KLRG1: variants seen among roughly 807,000 people sequenced by gnomAD.
KLRG1 encodes killer cell lectin like receptor G1.
Under a neutral mutation model 21.8 loss-of-function variants are expected in KLRG1, and 16 were observed. The observed-to-expected ratio is 0.73, with a 90% confidence interval of 0.50 to 1.11. The LOEUF is 1.11. KLRG1 is among the 50% of genes most tolerant of loss of function. The pLI, the probability that KLRG1 is intolerant of heterozygous loss-of-function variation, is 0.00. For missense variants in KLRG1, 173 were observed against 218.3 expected (o/e 0.79, Z 1.31); for synonymous variants, 69 against 75.9 (o/e 0.91, Z 0.47).
the KLRG1 span, chr12:9,070,429 G>T: frequency 8.8e-7 from 1 of 1,133,326 alleles, no homozygotes; most frequent in Non-Finnish European, 1.3e-6. Flanking sequence ...ATTGTCTTAT[G>T]CTGGGGATAC....
At chr12:9,164,112 CT>C in the KLRG1 span, 1 of 1,604,776 alleles carries the variant, frequency 6.2e-7, no homozygotes, top group Non-Finnish European at 8.5e-7. Flanking sequence ...TTGATAGGCC[CT>C]TTTGGGTACT....
chr12:9,045,590 G>T, the KLRG1 span, among the ~76,000 whole-genome samples: 3 of 152,168 alleles, frequency 2.0e-5, no homozygotes, highest in African/African-American at 7.2e-5. Flanking sequence ...TTAAAATAAT[G>T]ATTATTATGC....
downstream of KLRG1, among the ~76,000 whole-genome samples, chr12:9,013,962 C>G (rs1565556746): frequency 2.0e-5 from 3 of 152,168 alleles, no homozygotes; most frequent in South Asian, 6.2e-4. Flanking sequence ...CTGAAAAATT[C>G]AGTTGACTTA....
chr12:9,196,438 G>A, the KLRG1 span: 4 of 1,607,692 alleles, frequency 2.5e-6, no homozygotes, highest in South Asian at 4.4e-5. Context: ...TGACTTCCAG[G>A]TCTGAAAAAT....
chr12:9,008,945 C>A, intron 3 of KLRG1, 30 bp from the exon 4 acceptor site: 1 of 1,414,064 alleles, frequency 7.1e-7, no homozygotes, highest in South Asian at 1.2e-5. Flanking sequence ...GACACTAGGT[C>A]CCTTTTTTGG....
the KLRG1 span, among the ~76,000 whole-genome samples, chr12:9,174,562 C>A: frequency 1.3e-5 from 2 of 152,200 alleles, no homozygotes; most frequent in African/African-American, 4.8e-5. Context: ...CTAGAAAACC[C>A]CATTATCTCA....
the KLRG1 span, among the ~76,000 whole-genome samples, chr12:9,190,389 T>A: frequency 6.6e-6 from 1 of 152,246 alleles, no homozygotes; most frequent in East Asian, 1.9e-4. Context: ...AGCAAAATAA[T>A]GTAGGAACAG....
chr12:9,009,343 G>A, intron 4 of KLRG1, 83 bp from the exon 5 acceptor site: 1 of 1,538,816 alleles, frequency 6.5e-7, no homozygotes, highest in Non-Finnish European at 8.8e-7. Context: ...GACAGAATTT[G>A]CTTCATTTTT....
chr12:9,182,715 G>C, the KLRG1 span, among the ~76,000 whole-genome samples: 1 of 152,162 alleles, frequency 6.6e-6, no homozygotes, highest in African/African-American at 2.4e-5. Context: ...GCAGGGTGAA[G>C]GGCCACCAGG....
At chr12:9,112,594 T>C in the KLRG1 span, 1 of 1,590,940 alleles carries the variant, frequency 6.3e-7, no homozygotes, top group Non-Finnish European at 8.6e-7. Flanking sequence ...TCCTCCCCTA[T>C]TTGCTGTTGC....
At chr12:9,074,432 C>A in the KLRG1 span, 1 of 904,932 alleles carries the variant, frequency 1.1e-6, no homozygotes. Context: ...TCCTTGGATA[C>A]TGAAAACTTT....
the KLRG1 span, chr12:9,090,422 C>T: frequency 3.8e-5 from 62 of 1,614,004 alleles, no homozygotes; most frequent in East Asian, 1.2e-3. Flanking sequence ...CAGTGAGGCG[C>T]TTGTTCCTTC....
At chr12:9,202,950 A>G in the KLRG1 span, among the ~76,000 whole-genome samples, 4 of 152,208 alleles carry the variant, frequency 2.6e-5, no homozygotes, top group African/African-American at 7.2e-5. Flanking sequence ...GAGTATGTAT[A>G]TTCTGAAGCA....
At chr12:9,093,638 A>C in the KLRG1 span, 9 of 907,274 alleles carry the variant, frequency 9.9e-6, no homozygotes, top group Non-Finnish European at 1.4e-5. Context: ...TTATGAGAGA[A>C]TGTAATAGTT....
the KLRG1 span, chr12:9,150,823 G>A: frequency 3.3e-6 from 3 of 915,084 alleles, no homozygotes; most frequent in Non-Finnish European, 5.3e-6. Flanking sequence ...TATTCTTATT[G>A]TTCTTTGACT....
At chr12:9,067,700 C>T in the KLRG1 span, 15 of 819,834 alleles carry the variant, frequency 1.8e-5, no homozygotes, top group East Asian at 2.6e-5. Context: ...GAACAGGAAA[C>T]AGGGAAAGAC....
At chr12:9,112,056 T>C in the KLRG1 span, 1 of 1,063,228 alleles carries the variant, frequency 9.4e-7, no homozygotes, top group Non-Finnish European at 1.5e-6. Context: ...TTACTGTTAA[T>C]GATACCAGAT....
chr12:9,095,622 T>C, the KLRG1 span: 1 of 1,610,112 alleles, frequency 6.2e-7, no homozygotes, highest in East Asian at 2.2e-5. Context: ...TTATGACGAT[T>C]GATGCAGTCT....
At chr12:9,011,024 A>G (rs757632394), downstream of KLRG1, among the ~76,000 whole-genome samples, 5 of 152,220 alleles carry the variant, frequency 3.3e-5, no homozygotes, top group Non-Finnish European at 5.9e-5. Flanking sequence ...CTCTCAATTA[A>G]GGATGTAATG....
Sources: allele counts gnomAD v4.1 joint callset (sites outside exome capture counted in the v4.1 genomes callset), GRCh38; gene constraint gnomAD v4.1.1; transcripts MANE v1.5; gene names NCBI Gene and HGNC (gene_info 2026-07-23, HGNC 2026-07-21).